Variants in FRMD4A observed in about 807,000 individuals in gnomAD.
FRMD4A encodes FERM domain-containing protein 4A.
FRMD4A carries 29 observed loss-of-function variants against 129.1 expected under a neutral mutation model. The observed-to-expected ratio is 0.22, with a 90% CI of 0.17 to 0.31. The LOEUF (loss-of-function observed/expected upper bound fraction) is 0.31. FRMD4A is among the 10% of genes least tolerant of loss of function. The probability of loss-of-function intolerance (pLI) is 1.00; values close to 1 mark genes in which losing one functional copy is unlikely to be tolerated. For synonymous variants in FRMD4A, 634 were observed against 571.6 expected (o/e 1.11, Z -1.56); for missense variants, 1,272 against 1,375.8 (o/e 0.92, Z 1.19).
At chr10:14,315,585 C>A (rs543264017) in intron 2 of FRMD4A, among the ~76,000 whole-genome samples, 1 of 152,092 alleles carries the variant, frequency 6.6e-6, no homozygotes, top group African/African-American at 2.4e-5. Flanking sequence ...TGTTCTCTTG[C>A]CTAAAGTTTT....
chr10:13,993,614 A>G (rs1197233525), intron 2 of FRMD4A, among the ~76,000 whole-genome samples: 3 of 152,208 alleles, frequency 2.0e-5, no homozygotes, highest in Non-Finnish European at 4.4e-5. Context: ...AATGGAGAAT[A>G]TCTTCCCAAA....
chr10:14,107,559 T>C (rs1213849373), intron 2 of FRMD4A, among the ~76,000 whole-genome samples: 1 of 152,230 alleles, frequency 6.6e-6, no homozygotes, highest in African/African-American at 2.4e-5. Context: ...CTTCTATCAT[T>C]ATCTCATTCA....
intron 2 of FRMD4A, among the ~76,000 whole-genome samples, chr10:14,266,482 CT>C (rs1844982826): frequency 6.8e-6 from 1 of 147,508 alleles, no homozygotes; most frequent in Admixed American, 6.9e-5. Flanking sequence ...CTTAGGATCC[CT>C]AGTAGATGTT....
chr10:13,784,817 CCT>C (rs1197589617), intron 5 of FRMD4A, among the ~76,000 whole-genome samples: 2 of 151,950 alleles, frequency 1.3e-5, no homozygotes, highest in African/African-American at 2.4e-5. Context: ...TGGTGAAACC[CCT>C]GTCTCTACTA....
intron 2 of FRMD4A, among the ~76,000 whole-genome samples, chr10:14,248,320 A>C (rs1026803485): frequency 6.6e-6 from 1 of 152,264 alleles, no homozygotes; most frequent in Admixed American, 6.5e-5. Flanking sequence ...AATATGACTT[A>C]AAAAATTTAA....
chr10:13,957,546 C>T (rs12413484), intron 2 of FRMD4A, among the ~76,000 whole-genome samples: 14,681 of 152,212 alleles, frequency 0.096, 991 homozygotes, highest in Admixed American at 0.14. Flanking sequence ...TGAGCCACCA[C>T]GCTCAGCCAT....
intron 2 of FRMD4A, among the ~76,000 whole-genome samples, chr10:14,213,063 C>T (rs1842975800): frequency 6.6e-6 from 1 of 152,040 alleles, no homozygotes; most frequent in African/African-American, 2.4e-5. Context: ...GTAGTGAGAT[C>T]CCATCTTTAC....
At chr10:14,085,982 C>A (rs555847553) in intron 2 of FRMD4A, among the ~76,000 whole-genome samples, 1 of 152,136 alleles carries the variant, frequency 6.6e-6, no homozygotes, top group Admixed American at 6.5e-5. Flanking sequence ...CACTTTAATA[C>A]GAGCGCCAGT....
intron 19 of FRMD4A, among the ~76,000 whole-genome samples, chr10:13,662,450 C>CA (rs1282436474): frequency 6.6e-6 from 1 of 151,930 alleles, no homozygotes; most frequent in Non-Finnish European, 1.5e-5. Flanking sequence ...CCATACAGGG[C>CA]AAAAAAATTA....
chr10:13,967,059 C>T (rs927802303), intron 2 of FRMD4A, among the ~76,000 whole-genome samples: 3 of 152,318 alleles, frequency 2.0e-5, no homozygotes, highest in Non-Finnish European at 2.9e-5. Flanking sequence ...CACAACGGGC[C>T]GGGCGCGGTG....
intron 2 of FRMD4A, among the ~76,000 whole-genome samples, chr10:14,171,531 TC>T (rs1174568086): frequency 6.6e-6 from 1 of 152,200 alleles, no homozygotes; most frequent in African/African-American, 2.4e-5. Flanking sequence ...CAGAGTATGT[TC>T]AGGTGCCCTC....
Position 14,049,971 on chromosome 10 carries a change from G to A in FRMD4A, c.46-191059C>T, listed in dbSNP as rs185724095. Among the ~76,000 whole-genome samples, 46 of 152,248 alleles carry A rather than the reference G, an allele frequency of 3.0e-4. 1 individual carries two copies. The East Asian group carries it at 4.2e-3, about 14-fold the overall frequency. On this transcript the variant is annotated intron_variant, in intron 2 of 24. Coordinates refer to ENST00000357447, the MANE Select transcript of FRMD4A (RefSeq NM_018027.5). Reference sequence around the variant, plus strand: ...ACTTCCGTCTAGTTCATATTCTCACGTCGACAATATTTACTGAGCACCTAC... The same window carrying A: ...ACTTCCGTCTAGTTCATATTCTCACATCGACAATATTTACTGAGCACCTAC...
chr10:13,695,974 G>C (rs1451071694), intron 14 of FRMD4A, among the ~76,000 whole-genome samples: 1 of 152,228 alleles, frequency 6.6e-6, no homozygotes, highest in Non-Finnish European at 1.5e-5. Context: ...AAGTCTGCGG[G>C]CTGGAGGAAA....
chr10:14,314,765 G>A (rs898332624), intron 2 of FRMD4A, among the ~76,000 whole-genome samples: 1 of 152,032 alleles, frequency 6.6e-6, no homozygotes, highest in Non-Finnish European at 1.5e-5. Flanking sequence ...GGTTTCGTCC[G>A]ACTCTTCAGG....
At chr10:13,883,200 C>T (rs1589149606) in intron 2 of FRMD4A, among the ~76,000 whole-genome samples, 1 of 152,070 alleles carries the variant, frequency 6.6e-6, no homozygotes, top group Non-Finnish European at 1.5e-5. Flanking sequence ...GCTTAAGAAA[C>T]AAAGCTCTGC....
chr10:14,006,380 C>T (rs1036409801), intron 2 of FRMD4A, among the ~76,000 whole-genome samples: 3 of 152,032 alleles, frequency 2.0e-5, no homozygotes, highest in African/African-American at 4.8e-5. Flanking sequence ...GCAAACATAC[C>T]CAATAACAGA....
rs1464309757 is a variant in FRMD4A, at chr10:13,645,373, C to G, written c.*1665G>C. On this transcript the variant is annotated 3_prime_UTR_variant, in exon 25 of 25. Coordinates refer to ENST00000357447, the MANE Select transcript of FRMD4A (RefSeq NM_018027.5). ...AAAAATTCCACCCCCACCCCATCCC[C>G]CCACCACTTGCGCCAAAAGCACAGC... 6.6e-6 allele frequency: 1 copy of G among 152,370 alleles called. No individual in the cohort carries two copies. The highest frequency in any genetic ancestry group is 1.9e-4 in the East Asian group (1 of 5,178). 9.4% of individuals were successfully genotyped at this position (152,370 alleles called of 1,614,324 possible).
intron 2 of FRMD4A, among the ~76,000 whole-genome samples, chr10:14,153,240 C>T (rs921713258): frequency 4.6e-5 from 7 of 152,292 alleles, no homozygotes; most frequent in African/African-American, 1.7e-4. Flanking sequence ...AGAATAAAGA[C>T]ATTGACATTC....
intron 2 of FRMD4A, among the ~76,000 whole-genome samples, chr10:14,128,650 G>A (rs891873813): frequency 3.9e-5 from 6 of 152,140 alleles, no homozygotes; most frequent in Admixed American, 6.5e-5. Flanking sequence ...CCAACTCAGC[G>A]GGCCGTATGT....
Sources: gnomAD v4.1 joint callset for allele counts (sites outside exome capture counted in the v4.1 genomes callset) on GRCh38, gnomAD v4.1.1 for gene constraint, MANE v1.5 for transcripts, NCBI Gene and HGNC (gene_info 2026-07-23, HGNC 2026-07-21) for gene names.